SLC25A48: variants seen among roughly 807,000 people sequenced by gnomAD.
SLC25A48 encodes solute carrier family 25 member 48.
SLC25A48 carries 29 observed loss-of-function variants against 32.2 expected under a neutral mutation model. The ratio of observed to expected loss-of-function variants is 0.90; its 90% CI spans 0.67 to 1.23. The LOEUF is 1.23. Among genes scored for constraint, SLC25A48 ranks in the 50% most tolerant of loss-of-function variants. The pLI, the probability that SLC25A48 is intolerant of heterozygous loss-of-function variation, is 0.00. For missense variants in SLC25A48, 399 were observed against 422.7 expected, an observed-to-expected ratio of 0.94 and a Z score of 0.49; for synonymous variants, 164 against 172.3, an observed-to-expected ratio of 0.95 and a Z score of 0.38.
intron 3 of SLC25A48, among the ~76,000 whole-genome samples, chr5:135,652,061 C>G (rs781111985): frequency 1.1e-4 from 17 of 152,224 alleles, no homozygotes; most frequent in Non-Finnish European, 2.9e-5. Flanking sequence ...CTCAGCCACC[C>G]TAGTGCTTGC....
chr5:135,643,125 G>A (rs147861231), intron 3 of SLC25A48, among the ~76,000 whole-genome samples: 271 of 152,288 alleles, frequency 1.8e-3, no homozygotes, highest in African/African-American at 6.4e-3. Flanking sequence ...CCCGTCACCC[G>A]GACTGCGACA....
At chr5:135,843,261 G>GTGAA (rs1243660747) in intron 2 of SLC25A48, among the ~76,000 whole-genome samples, 2 of 152,198 alleles carry the variant, frequency 1.3e-5, no homozygotes, top group African/African-American at 4.8e-5. Flanking sequence ...AAAGTGGTGA[G>GTGAA]TGAAGCAGGC....
chr5:135,880,919 C>T (rs554996890), intron 7 of SLC25A48, among the ~76,000 whole-genome samples: 19 of 152,220 alleles, frequency 1.2e-4, no homozygotes, highest in South Asian at 4.1e-4. Flanking sequence ...GGGTGAGTCG[C>T]GCCTTCTGCA....
chr5:135,767,193 C>CA (rs371969792), intron 3 of SLC25A48, among the ~76,000 whole-genome samples: 18 of 150,306 alleles, frequency 1.2e-4, no homozygotes, highest in African/African-American at 3.7e-4. Flanking sequence ...GTACACCCCC[C>CA]CCCCGTGATA....
intron 3 of SLC25A48, among the ~76,000 whole-genome samples, chr5:135,738,255 G>A (rs1298036731): frequency 6.6e-6 from 1 of 152,172 alleles, no homozygotes; most frequent in Non-Finnish European, 1.5e-5. Flanking sequence ...CTGTTGACAT[G>A]CTCCTGCTAC....
At chr5:135,679,737 G>C (rs1284647633) in intron 3 of SLC25A48, among the ~76,000 whole-genome samples, 3 of 152,164 alleles carry the variant, frequency 2.0e-5, no homozygotes, top group African/African-American at 7.2e-5. Context: ...AAGGTCAATG[G>C]GGTTCAAGAA....
chr5:135,631,990 T>C (rs919946714), intron 2 of SLC25A48, among the ~76,000 whole-genome samples: 1 of 152,186 alleles, frequency 6.6e-6, no homozygotes, highest in Admixed American at 6.5e-5. Flanking sequence ...AGTGCCTCCA[T>C]GTTGTTTTTC....
chr5:135,794,157 A>G (rs369202168), intron 3 of SLC25A48, among the ~76,000 whole-genome samples: 15 of 151,958 alleles, frequency 9.9e-5, no homozygotes, highest in African/African-American at 3.4e-4. Context: ...GATTGTTCCT[A>G]ATATCCATGA....
chr5:135,879,911 G>A, intron 6 of SLC25A48, 57 bp from the exon 7 acceptor site: 1 of 1,521,352 alleles, frequency 6.6e-7, no homozygotes, highest in Non-Finnish European at 8.8e-7. Context: ...CCCCTCCTTG[G>A]TGGCCCTGCA....
chr5:135,803,268 T>G (rs1369167607), intron 3 of SLC25A48, among the ~76,000 whole-genome samples: 2 of 150,904 alleles, frequency 1.3e-5, no homozygotes, highest in African/African-American at 4.9e-5. Context: ...GCAGATATTA[T>G]TCCTAATATC....
At chr5:135,803,970 G>C (rs1222973371) in intron 3 of SLC25A48, among the ~76,000 whole-genome samples, 3 of 151,330 alleles carry the variant, frequency 2.0e-5, no homozygotes, top group African/African-American at 7.3e-5. Flanking sequence ...ATTCTAGGAA[G>C]ATACTACTCT....
intron 2 of SLC25A48, among the ~76,000 whole-genome samples, chr5:135,845,700 C>T (rs1156928264): frequency 6.6e-6 from 1 of 152,204 alleles, no homozygotes; most frequent in Non-Finnish European, 1.5e-5. Flanking sequence ...CATGGAGGTA[C>T]TGAGGATACA....
intron 3 of SLC25A48, among the ~76,000 whole-genome samples, chr5:135,722,507 G>T (rs1754980931): frequency 6.6e-6 from 1 of 152,142 alleles, no homozygotes; most frequent in African/African-American, 2.4e-5. Context: ...TTTTTATTAT[G>T]GTGAACAGGC....
chr5:135,830,048 A>G (rs931004254), upstream of SLC25A48, among the ~76,000 whole-genome samples: 4 of 152,198 alleles, frequency 2.6e-5, no homozygotes, highest in Non-Finnish European at 5.9e-5. Context: ...CCAAGCACAC[A>G]GTACTCAAAC....
chr5:135,682,009 A>G (rs1047110311), intron 3 of SLC25A48, among the ~76,000 whole-genome samples: 28 of 152,190 alleles, frequency 1.8e-4, no homozygotes, highest in Admixed American at 1.7e-3. Context: ...ATACTCAGCT[A>G]AAGACTTGAG....
intron 3 of SLC25A48, among the ~76,000 whole-genome samples, chr5:135,652,169 C>G (rs1279624543): frequency 6.6e-6 from 1 of 152,214 alleles, no homozygotes; most frequent in African/African-American, 2.4e-5. Flanking sequence ...TGTACTAATA[C>G]TATAGCTGCG....
chr5:135,775,951 TAAG>T (rs1232092559), intron 3 of SLC25A48, among the ~76,000 whole-genome samples: 6 of 151,612 alleles, frequency 4.0e-5, no homozygotes, highest in African/African-American at 1.5e-4. Context: ...GTTCCTCATA[TAAG>T]AAGGTGAGAG....
At position 135,790,113 on chromosome 5, in the gene SLC25A48, A is replaced by G. The variant is rs137953444; in HGVS notation, c.-520-22410A>G. On this transcript the variant is annotated intron_variant, in intron 3 of 10. Coordinates refer to the SLC25A48 transcript ENST00000646290. Reference sequence around the variant, plus strand: ...GTAACATCTTTCTTGGATATGATGAATGATATCTATTATTATTATAATTAT... The same window carrying G: ...GTAACATCTTTCTTGGATATGATGAGTGATATCTATTATTATTATAATTAT... Among the ~76,000 whole-genome samples, 60 of 151,696 alleles carry G rather than the reference A, an allele frequency of 4.0e-4. 1 individual carries two copies. The East Asian group carries it at 0.012, about 29-fold the overall frequency.
intron 3 of SLC25A48, chr5:135,742,443 C>G (rs1755521744): frequency 6.6e-7 from 1 of 1,506,880 alleles, no homozygotes; most frequent in Non-Finnish European, 8.8e-7. Context: ...CCCAGTGGTT[C>G]CTGAGGTCTC....
Sources: allele counts gnomAD v4.1 joint callset (sites outside exome capture counted in the v4.1 genomes callset), GRCh38; gene constraint gnomAD v4.1.1; transcripts MANE v1.5; gene names NCBI Gene and HGNC (gene_info 2026-07-23, HGNC 2026-07-21).